SGO2: variants seen among roughly 807,000 people sequenced by gnomAD.
SGO2 encodes shugoshin-like 2.
In SGO2, 68 loss-of-function variants were observed where a neutral mutation model predicts 99.5. The observed-to-expected ratio is 0.68, with a 90% CI of 0.56 to 0.84. The LOEUF is 0.84. Ranked by LOEUF, SGO2 falls within the 40% of genes least tolerant of loss-of-function variation. The pLI is 0.00. For missense variants in SGO2, 1,350 were observed against 1,436.7 expected, an observed-to-expected ratio of 0.94 and a Z score of 0.97; for synonymous variants, 457 against 487.1, an observed-to-expected ratio of 0.94 and a Z score of 0.81.
chr2:200,551,542 C>G (rs2032484495), intron 5 of SGO2, among the ~76,000 whole-genome samples: 1 of 152,100 alleles, frequency 6.6e-6, no homozygotes, highest in Non-Finnish European at 1.5e-5. Flanking sequence ...ATATATGTAT[C>G]TTTTACCTCA....
At chr2:200,563,180 T>G (rs1280416785) in intron 5 of SGO2, among the ~76,000 whole-genome samples, 2 of 151,908 alleles carry the variant, frequency 1.3e-5, no homozygotes, top group Non-Finnish European at 2.9e-5. Flanking sequence ...CATTCAAAAC[T>G]GGAGGCTGTG....
At chr2:200,532,295 T>G (rs202169552) in intron 1 of SGO2, 23,936 of 519,994 alleles carry the variant, frequency 0.046, 1,555 homozygotes, top group Admixed American at 0.066. Flanking sequence ...TTTTTTTTTT[T>G]TTTTCAGATC....
intron 5 of SGO2, among the ~76,000 whole-genome samples, chr2:200,558,959 C>T (rs920108349): frequency 1.2e-4 from 19 of 152,058 alleles, no homozygotes; most frequent in African/African-American, 2.7e-4. Flanking sequence ...CTCGCCAACG[C>T]GCCCAGCTAA....
chr2:200,528,838 C>T (rs571604137), intron 1 of SGO2, among the ~76,000 whole-genome samples: 63 of 152,118 alleles, frequency 4.1e-4, no homozygotes, highest in African/African-American at 3.1e-4. Context: ...AAGTGGTCAG[C>T]GAGGCAGGAG....
At chr2:200,577,284 T>C (rs2033699556) in intron 8 of SGO2, among the ~76,000 whole-genome samples, 1 of 152,226 alleles carries the variant, frequency 6.6e-6, no homozygotes, top group South Asian at 2.1e-4. Flanking sequence ...TAACTAATGA[T>C]GTTGAGCGTC....
In SGO2 at chr2:200,570,509, T is replaced by TGTGTGG. The variant is rs1193727269; in HGVS notation, c.704-540_704-539insTGTGGG. Among the ~76,000 whole-genome samples, 2 of 149,302 alleles carry TGTGTGG rather than the reference T, an allele frequency of 1.3e-5. No homozygotes were observed. The highest frequency in any genetic ancestry group is 3.0e-5 in the Non-Finnish European group (2 of 67,236). ...GTGTGTGTGTGTGTGTGTGTGTGTG[T>TGTGTGG]GGGCATATGTATATGTATATAATAT... On this transcript the variant is annotated intron_variant, in intron 6 of 8. Transcript: ENST00000357799. This position sits in a 1 kb window ranked among gnomAD's most constrained non-coding sequence, Gnocchi z 4.4.
At chr2:200,576,309 C>T (rs2033661649) in intron 8 of SGO2, among the ~76,000 whole-genome samples, 1 of 151,196 alleles carries the variant, frequency 6.6e-6, no homozygotes, top group Non-Finnish European at 1.5e-5. Context: ...GATGTGGTGG[C>T]TCACACCTGT....
At chr2:200,544,242 A>G (rs1235083841) in intron 5 of SGO2, among the ~76,000 whole-genome samples, 1 of 152,206 alleles carries the variant, frequency 6.6e-6, no homozygotes, top group East Asian at 1.9e-4. Context: ...ACTACAATGT[A>G]TCCATTCTTC....
intron 5 of SGO2, among the ~76,000 whole-genome samples, chr2:200,562,842 T>C (rs2033028469): frequency 6.6e-6 from 1 of 152,220 alleles, no homozygotes. Flanking sequence ...AGTTCACTCA[T>C]GATTTGGCTC....
At position 200,548,631 on chromosome 2, in the gene SGO2, T is replaced by G. The variant is rs976012682; in HGVS notation, c.473+5967T>G. Among the ~76,000 whole-genome samples the G allele has an allele frequency of 2.0e-5, 3 of 152,082 alleles. No homozygotes were observed. The East Asian group carries it at 5.8e-4, about 29-fold the overall frequency. ...ACGATCAGAGCAGAAATAAATAAAA[T>G]TGATACTAAAAAAGTATAGAAGATA... On this transcript the variant is annotated intron_variant, in intron 5 of 8. Transcript: ENST00000357799.
At chr2:200,569,382 T>C (rs1426005112) in intron 5 of SGO2, among the ~76,000 whole-genome samples, 5 of 152,146 alleles carry the variant, frequency 3.3e-5, no homozygotes, top group Admixed American at 6.5e-5. Context: ...TTTTTTCATT[T>C]GCTTAATAGT....
At chr2:200,579,805 T>A (rs1257995477) in intron 8 of SGO2, among the ~76,000 whole-genome samples, 1 of 152,160 alleles carries the variant, frequency 6.6e-6, no homozygotes, top group Non-Finnish European at 1.5e-5. Flanking sequence ...ATAACTGATG[T>A]GAGTCTATAG....
chr2:200,538,278 AG>A (rs2031789219), intron 4 of SGO2, among the ~76,000 whole-genome samples: 1 of 152,086 alleles, frequency 6.6e-6, no homozygotes, highest in Admixed American at 6.6e-5. Context: ...TAACCTTTTC[AG>A]TGCAGTTCTC....
chr2:200,564,749 A>G (rs577899449), intron 5 of SGO2, among the ~76,000 whole-genome samples: 182 of 152,258 alleles, frequency 1.2e-3, no homozygotes, highest in African/African-American at 4.2e-3. Flanking sequence ...GTGCTCCTGT[A>G]TTGGTTGCAT....
At chr2:200,540,986 A>G (rs181031175) in intron 4 of SGO2, among the ~76,000 whole-genome samples, 3 of 152,336 alleles carry the variant, frequency 2.0e-5, no homozygotes, top group East Asian at 3.9e-4. Flanking sequence ...GAAGTCCAAG[A>G]GCATGATGCT....
intron 5 of SGO2, among the ~76,000 whole-genome samples, chr2:200,544,791 A>G (rs542890190): frequency 2.0e-5 from 3 of 152,106 alleles, no homozygotes; most frequent in East Asian, 3.9e-4. Context: ...ACCAATTTAC[A>G]TTATTACTAA....
At chr2:200,577,705 C>T (rs1368138100) in intron 8 of SGO2, among the ~76,000 whole-genome samples, 1 of 151,168 alleles carries the variant, frequency 6.6e-6, no homozygotes, top group African/African-American at 2.4e-5. Context: ...GCCTTGGACA[C>T]CTTTGAAGAC....
At chr2:200,567,362 T>G (rs2033230019) in intron 5 of SGO2, among the ~76,000 whole-genome samples, 2 of 152,252 alleles carry the variant, frequency 1.3e-5, no homozygotes, top group African/African-American at 4.8e-5. Flanking sequence ...TGATTTTATT[T>G]TTCTCAATTT....
chr2:200,575,237 A>G, intron 7 of SGO2, 74 bp from the exon 8 acceptor site: 1 of 846,182 alleles, frequency 1.2e-6, no homozygotes, highest in Non-Finnish European at 1.7e-6. Context: ...TTTGCAGACC[A>G]CTATATAGCT....
Sources: allele counts gnomAD v4.1 joint callset (sites outside exome capture counted in the v4.1 genomes callset), GRCh38; gene constraint gnomAD v4.1.1; non-coding constraint Gnocchi (gnomAD v3.1); transcripts MANE v1.5; gene names NCBI Gene and HGNC (gene_info 2026-07-23, HGNC 2026-07-21).